Variants in PACS1 observed in about 807,000 individuals in gnomAD.
PACS1 encodes phosphofurin acidic cluster sorting protein 1.
In PACS1, 24 loss-of-function variants were observed where a neutral mutation model predicts 115.0. The ratio of observed to expected loss-of-function variants is 0.21; its 90% confidence interval spans 0.15 to 0.29. The LOEUF is 0.29. PACS1 is among the 10% of genes least tolerant of loss of function. PACS1 has a pLI of 1.00. For missense variants in PACS1, 838 were observed against 1,251.2 expected, an observed-to-expected ratio of 0.67 and a Z score of 4.98; for synonymous variants, 453 against 504.5, an observed-to-expected ratio of 0.90 and a Z score of 1.37.
At position 66,239,195 on chromosome 11, in the gene PACS1, C is replaced by A; in HGVS notation, c.2347C>A (p.Pro783Thr). 6.2e-7 allele frequency: 1 copy of A among 1,614,156 alleles called. No individual in the cohort carries two copies. The highest frequency in any genetic ancestry group is 8.5e-7 in the Non-Finnish European group (1 of 1,180,022). Residue 783 changes from proline (P) to threonine (T), a missense_variant, in exon 21 of 24, where the codon CCC becomes ACC. Physicochemically the swap from Pro to Thr is conservative, Grantham distance 38 (BLOSUM62 -1). This residue lies in a region of PACS1 where 383 missense variants were observed against 537.0 expected (regional missense o/e 0.71). Transcript: ENST00000320580. ...CCTTACTGTGCCCTCCACATCACCA[C>A]CCTCCAGCTCGGGCCTGAGCCGAGA... is the stretch of plus-strand genomic sequence containing the variant. ...VSLTVPSTSP[P>T]SSSGLSRDAT...
intron 1 of PACS1, among the ~76,000 whole-genome samples, chr11:66,072,692 C>G (rs1857329641): frequency 6.6e-6 from 1 of 152,208 alleles, no homozygotes; most frequent in Admixed American, 6.5e-5. Context: ...GCCCATCTAT[C>G]GCTGAAGTAT....
intron 1 of PACS1, among the ~76,000 whole-genome samples, chr11:66,169,349 T>C (rs1365301964): frequency 6.6e-6 from 1 of 150,550 alleles, no homozygotes; most frequent in African/African-American, 2.5e-5. Context: ...ATTGGTTTTC[T>C]AATGTTAAAG....
At chr11:66,242,582 G>C (rs911925553) in intron 22 of PACS1, among the ~76,000 whole-genome samples, 2 of 152,236 alleles carry the variant, frequency 1.3e-5, no homozygotes, top group African/African-American at 4.8e-5. Context: ...GCATGCGCCT[G>C]ATAGGGAGGC....
At chr11:66,168,235 G>T (rs1859651991) in intron 1 of PACS1, among the ~76,000 whole-genome samples, 1 of 150,506 alleles carries the variant, frequency 6.6e-6, no homozygotes. Context: ...ATTAGCATCT[G>T]TGGAAAATCC....
intron 7 of PACS1, chr11:66,217,421 G>C (rs1855238890): frequency 5.3e-6 from 2 of 380,276 alleles, no homozygotes; most frequent in Non-Finnish European, 1.1e-5. Context: ...CCTGCATGAA[G>C]TGTGGGAGGG....
intron 1 of PACS1, among the ~76,000 whole-genome samples, chr11:66,073,154 C>T (rs1406384694): frequency 3.3e-5 from 5 of 152,204 alleles, no homozygotes; most frequent in African/African-American, 1.2e-4. Flanking sequence ...CCTCCTCACT[C>T]CTTGTGGAAC....
At chr11:66,215,027 G>A (rs1248688603) in intron 4 of PACS1, among the ~76,000 whole-genome samples, 2 of 151,926 alleles carry the variant, frequency 1.3e-5, no homozygotes, top group African/African-American at 4.8e-5. Context: ...CTGCCGCCTG[G>A]GTTCAAGTGA....
intron 1 of PACS1, among the ~76,000 whole-genome samples, chr11:66,179,448 A>T (rs1233080032): frequency 6.6e-6 from 1 of 152,190 alleles, no homozygotes; most frequent in Non-Finnish European, 1.5e-5. Context: ...CAAAGCTGGG[A>T]TTACAGACGT....
At chr11:66,101,424 G>GT (rs1415876657) in intron 1 of PACS1, among the ~76,000 whole-genome samples, 6 of 152,074 alleles carry the variant, frequency 3.9e-5, no homozygotes, top group African/African-American at 1.4e-4. Flanking sequence ...TTTGCATCCT[G>GT]TTTTTCTGAA....
At chr11:66,101,714 T>G (rs1375755195) in intron 1 of PACS1, among the ~76,000 whole-genome samples, 1 of 152,104 alleles carries the variant, frequency 6.6e-6, no homozygotes. Flanking sequence ...GAGTATTTTT[T>G]TATATGCACT....
chr11:66,242,865 C>A (rs368592417), intron 22 of PACS1, 47 bp from the exon 23 acceptor site: 10 of 1,610,140 alleles, frequency 6.2e-6, no homozygotes, highest in East Asian at 2.2e-5. Flanking sequence ...AGAGGGGTGG[C>A]GGCTTCCCCA....
chr11:66,220,571 C>T lies in PACS1; in HGVS notation c.1039-60C>T, dbSNP rs1435586103. 7 of 1,575,212 alleles carry T rather than the reference C, an allele frequency of 4.4e-6. No individual in the cohort carries two copies. In the East Asian group the frequency reaches 8.9e-5, roughly 20 times the overall value. On this transcript the variant is annotated intron_variant, in intron 8 of 23. Coordinates refer to ENST00000320580, the MANE Select transcript of PACS1 (RefSeq NM_018026.4). ...GGCAGCCCAGGAGAAAGGAGCTGCT[C>T]ATCAACCAAAATTGTTAATAGGGAT...
At chr11:66,148,484 G>A (rs1859172284) in intron 1 of PACS1, among the ~76,000 whole-genome samples, 1 of 152,134 alleles carries the variant, frequency 6.6e-6, no homozygotes, top group African/African-American at 2.4e-5. Flanking sequence ...TTTTGACTTA[G>A]CACTTTCAGT....
intron 11 of PACS1, chr11:66,230,304 C>G: frequency 1.9e-6 from 1 of 526,376 alleles, no homozygotes; most frequent in Middle Eastern, 5.1e-4. Flanking sequence ...GCCAGCAGGT[C>G]GTTTGTAACT....
At chr11:66,094,699 G>A (rs1235861640) in intron 1 of PACS1, among the ~76,000 whole-genome samples, 4 of 152,176 alleles carry the variant, frequency 2.6e-5, no homozygotes, top group Non-Finnish European at 4.4e-5. Context: ...CATTTTATGA[G>A]GCCAGCATCA....
At chr11:66,143,154 G>T (rs764775019) in intron 1 of PACS1, among the ~76,000 whole-genome samples, 15 of 152,114 alleles carry the variant, frequency 9.9e-5, no homozygotes, top group African/African-American at 1.7e-4. Flanking sequence ...TTATAGTGTT[G>T]TCAGGAGTCT....
intron 1 of PACS1, among the ~76,000 whole-genome samples, chr11:66,147,293 T>A (rs10896086): frequency 0.19 from 29,323 of 152,024 alleles, 2,904 homozygotes; most frequent in Middle Eastern, 0.28. Context: ...AATAAAGACA[T>A]TCCTAGATAA....
At chr11:66,196,438 C>G (rs1854651912) in intron 2 of PACS1, among the ~76,000 whole-genome samples, 2 of 152,148 alleles carry the variant, frequency 1.3e-5, no homozygotes, top group African/African-American at 4.8e-5. Context: ...GAGTTGTGAA[C>G]CACAGTAGCT....
chr11:66,215,868 C>G (rs1855189502), intron 4 of PACS1, among the ~76,000 whole-genome samples: 2 of 150,122 alleles, frequency 1.3e-5, no homozygotes, highest in South Asian at 4.2e-4. Flanking sequence ...CCACTGCACT[C>G]CAGCCTGGGC....
Sources: gnomAD v4.1 joint callset for allele counts (sites outside exome capture counted in the v4.1 genomes callset) on GRCh38, gnomAD v4.1.1 for gene constraint, gnomAD v4.1.1 regional missense constraint, MANE v1.5 for transcripts, NCBI Gene and HGNC (gene_info 2026-07-23, HGNC 2026-07-21) for gene names.